The following CRB2 variants were observed in gnomAD, a reference collection of about 807,000 sequenced individuals.
The protein encoded by CRB2 is crumbs cell polarity complex component 2.
CRB2 carries 85 observed loss-of-function variants against 110.9 expected under a neutral mutation model. That is an observed-to-expected ratio of 0.77 (90% confidence interval 0.64 to 0.92). The LOEUF (loss-of-function observed/expected upper bound fraction) is 0.92. CRB2 is among the 40% of genes least tolerant of loss of function. CRB2 has a pLI of 0.00. For missense variants in CRB2, 1,843 were observed against 1,851.3 expected (o/e 1.00, Z 0.08); for synonymous variants, 907 against 831.0 (o/e 1.09, Z -1.57).
intron 1 of CRB2, among the ~76,000 whole-genome samples, chr9:123,359,441 GTTTTTTTTT>G (rs375773781): frequency 1.1e-5 from 1 of 94,442 alleles, no homozygotes; most frequent in African/African-American, 5.8e-5. Flanking sequence ...TTTTTGTTTT[GTTTTTTTTT>G]TTTTTTTTTT....
At chr9:123,357,594 G>A (rs1368627507) in intron 1 of CRB2, among the ~76,000 whole-genome samples, 4 of 151,854 alleles carry the variant, frequency 2.6e-5, no homozygotes, top group East Asian at 1.9e-4. Context: ...GCTGGCAGGC[G>A]ACTTGGGCTC....
intron 1 of CRB2, among the ~76,000 whole-genome samples, chr9:123,359,095 A>G (rs2041831648): frequency 6.6e-6 from 1 of 152,136 alleles, no homozygotes; most frequent in African/African-American, 2.4e-5. Context: ...CCTGACAGCT[A>G]TTGTTGCAAT....
downstream of CRB2, chr9:123,378,766 C>T (rs2042146508): frequency 6.8e-6 from 1 of 147,780 alleles, no homozygotes; most frequent in Non-Finnish European, 1.5e-5. Context: ...TGTCCCCTGT[C>T]CTCTTCCTGG....
chr9:123,366,381 G>T lies in CRB2; in HGVS notation c.754+15G>T, dbSNP rs748651562. The T allele has an allele frequency of 1.3e-6, 2 of 1,535,888 alleles. No homozygotes were observed. Among genetic ancestry groups the T allele is most frequent in the Admixed American group, 2.1e-5 (1 of 48,062 alleles). On this transcript the variant is annotated intron_variant, in intron 4 of 12. Coordinates refer to ENST00000373631, the MANE Select transcript of CRB2 (RefSeq NM_173689.7). Reference sequence around the variant, plus strand: ...CTGTTGGCCAGGTGTGTGCGTGCAGGTGCGCGGCCTGGCGGGGGGAGGGGT... The same window carrying T: ...CTGTTGGCCAGGTGTGTGCGTGCAGTTGCGCGGCCTGGCGGGGGGAGGGGT...
chr9:123,374,562 C>T lies in CRB2; in HGVS notation c.3390-17C>T. On this transcript the variant is annotated splice_polypyrimidine_tract_variant and intron_variant, in intron 10 of 12. Transcript: ENST00000373631. Reference sequence around the variant, plus strand: ...CCAGGTGTCCTGCACCCACTCCAGCCTCTGCTCTCTCCCCAGGTTGCCTGT... The same window carrying T: ...CCAGGTGTCCTGCACCCACTCCAGCTTCTGCTCTCTCCCCAGGTTGCCTGT... 1 of 1,597,146 alleles carries T rather than the reference C, an allele frequency of 6.3e-7. No individual in the cohort carries two copies. Among genetic ancestry groups the T allele is most frequent in the Non-Finnish European group, 8.6e-7 (1 of 1,166,118 alleles).
intron 2 of CRB2, among the ~76,000 whole-genome samples, chr9:123,365,329 AC>A (rs2041916377): frequency 6.6e-6 from 1 of 152,166 alleles, no homozygotes; most frequent in African/African-American, 2.4e-5. Context: ...CAAGTCACTT[AC>A]CTGTCTGAAA....
intron 8 of CRB2, 135 bp downstream of exon 8, chr9:123,371,713 G>C: frequency 8.1e-7 from 1 of 1,230,648 alleles, no homozygotes; most frequent in Non-Finnish European, 1.1e-6. Flanking sequence ...ACCTGCCCAG[G>C]GTCCCACTAC....
chr9:123,374,414 C>T (rs947542653), intron 10 of CRB2, among the ~76,000 whole-genome samples, 165 bp from the exon 11 acceptor site: 6 of 152,214 alleles, frequency 3.9e-5, no homozygotes, highest in African/African-American at 1.4e-4. Context: ...CGAGTGCAAC[C>T]CTGTGTCCCT....
rs760480460 is a variant in CRB2 at position 123,377,027 on chromosome 9, GTCC to G, written c.3826_3828del (p.Leu1276del). 53 of 1,601,496 alleles carry G rather than the reference GTCC, an allele frequency of 3.3e-5. No individual in the cohort carries two copies. On this transcript the variant is annotated inframe_deletion, in exon 13 of 13. Coordinates refer to ENST00000373631, the MANE Select transcript of CRB2 (RefSeq NM_173689.7). ...TGGGGCCCGGCTGGAGATGGACAGT[GTCC>G]TCAAGGTGCCACCGGAGGAGAGACT...
chr9:123,373,738 T>G lies in CRB2; in HGVS notation c.3207T>G (p.Gly1069=), dbSNP rs777291073. The G allele has an allele frequency of 6.3e-7, 1 of 1,582,252 alleles. No individual in the cohort carries two copies. The highest frequency in any genetic ancestry group is 8.5e-7 in the Non-Finnish European group (1 of 1,173,404). Reference sequence around the variant, plus strand: ...CGCCCTCGCCCTGTCTGCACGACGGTGCCTGCCGTGACCTCTTCGACGCCT... The same window carrying G: ...CGCCCTCGCCCTGTCTGCACGACGGGGCCTGCCGTGACCTCTTCGACGCCT... ...VCAPSPCLHD[G]ACRDLFDAFA... The change falls in exon 10 of 13, where the codon GGT becomes GGG. Residue 1069 remains glycine (G), a synonymous_variant. Coordinates refer to ENST00000373631, the MANE Select transcript of CRB2 (RefSeq NM_173689.7).
In CRB2 at chr9:123,376,961, C is replaced by T; in HGVS notation, c.3757C>T (p.Gln1253Ter). Reference protein sequence around the residue: ...SGILAARKRRQSEGTYSPSQQ... With the variant: ...SGILAARKRR ...GATCCTGGCAGCCCGAAAGCGCCGC[C>T]AGTCTGAGGGCACCTACAGCCCAAG... Residue 1253 changes from glutamine to a stop codon, truncating the protein, a stop_gained, in exon 13 of 13, where the codon CAG (glutamine) becomes TAG (stop). Transcript: ENST00000373631. LOFTEE classifies it high-confidence loss of function. The T allele has an allele frequency of 6.2e-7, 1 of 1,608,056 alleles. No individual in the cohort carries two copies.
Position 123,370,884 on chromosome 9 carries a change from C to T in CRB2, c.1831C>T (p.Pro611Ser). ...CTGTGAGCGCCGAGAGCAGTGCCGG[C>T]CTCTGCCTTGTGTCCACGGAGGGTC... ...LGCERREQCR[P>S]LPCVHGGSCV... Residue 611 changes from proline to serine, a missense_variant, in exon 7 of 13, where the codon CCT (proline) becomes TCT (serine). Coordinates refer to ENST00000373631, the MANE Select transcript of CRB2 (RefSeq NM_173689.7). 1 of 1,612,286 alleles carries T rather than the reference C, an allele frequency of 6.2e-7. No individual in the cohort carries two copies. The highest frequency in any genetic ancestry group is 8.5e-7 in the Non-Finnish European group (1 of 1,180,024).
chr9:123,356,110 TGGGAGGAGGAGGCGGTGGCGGGGAGGGGA>T, upstream of CRB2: 1 of 342,088 alleles, frequency 2.9e-6, no homozygotes, highest in Non-Finnish European at 4.6e-6. Context: ...GAGGCCTGGG[TGGGAGGAGGAGGCGGTGGCGGGGAGGGGA>T]GGGAGGGGCT....
Position 123,373,059 on chromosome 9 carries a change from G to T in CRB2, c.2603-75G>T, listed in dbSNP as rs1246897591. The T allele has an allele frequency of 1.2e-5, 15 of 1,283,180 alleles. No homozygotes were observed. The East Asian group carries it at 2.8e-4, about 24-fold the overall frequency. 79.5% of individuals were successfully genotyped at this position (1,283,180 alleles called of 1,614,324 possible). On this transcript the variant is annotated intron_variant, in intron 9 of 12. Transcript: ENST00000373631. ...CCAAGTAAGTGGCTGTCTGCCACTC[G>T]CTGGGGGAAGTGGGGAGGTGGCATT...
chr9:123,357,756 A>G (rs970352697), intron 1 of CRB2, among the ~76,000 whole-genome samples: 8 of 152,326 alleles, frequency 5.3e-5, no homozygotes, highest in Admixed American at 2.6e-4. Flanking sequence ...CCTGTGTGGC[A>G]TGCCCAAGGG....
intron 7 of CRB2, 34 bp downstream of exon 7, chr9:123,371,014 G>T: frequency 6.3e-7 from 1 of 1,595,596 alleles, no homozygotes; most frequent in Non-Finnish European, 8.6e-7. Flanking sequence ...GGCAGCACCT[G>T]AGATCTGCCT....
At position 123,366,287 on chromosome 9, in the gene CRB2, G is replaced by T; in HGVS notation, c.675G>T (p.Leu225=). 13 of 1,521,186 alleles carry T rather than the reference G, an allele frequency of 8.5e-6. No homozygotes were observed. Among genetic ancestry groups the T allele is most frequent in the Non-Finnish European group, 1.1e-5 (13 of 1,147,140 alleles). The allele number at this position is 1,521,186 out of a possible 1,614,324, so 94.2% of individuals were successfully genotyped here. A position where few individuals can be genotyped will look rare whatever the true frequency, so the allele number is the denominator to read the frequency against. Residue 225 remains leucine (L), a synonymous_variant, in exon 4 of 13, where the codon CTG becomes CTT. Transcript: ENST00000373631. ...GCACGCACTGCGAGCGGGAGGTGCT[G>T]GAGTGCGCATCGGCGCCCTGCGAGC... ...YEGTHCEREV[L]ECASAPCEHN...
At position 123,356,363 on chromosome 9, in the gene CRB2, G is replaced by C. The variant is rs771665243; in HGVS notation, c.94+9G>C. 6.5e-7 allele frequency: 1 copy of C among 1,540,484 alleles called. No individual in the cohort carries two copies. The highest frequency in any genetic ancestry group is 8.7e-7 in the Non-Finnish European group (1 of 1,143,288). The stretch of plus-strand genomic sequence containing the variant: ...CCTTTCCCTCCTGGCTGGTGAGTTG[G>C]GGCCCATGTCTGGAGGGGCCTGGGA... On this transcript the variant is annotated intron_variant, in intron 1 of 12. Transcript: ENST00000373631.
At chr9:123,358,795 A>T (rs1333749676) in intron 1 of CRB2, among the ~76,000 whole-genome samples, 1 of 152,248 alleles carries the variant, frequency 6.6e-6, no homozygotes, top group Non-Finnish European at 1.5e-5. Flanking sequence ...CTACAAAACG[A>T]GGACAGACTG....
Sources: allele counts gnomAD v4.1 joint callset (sites outside exome capture counted in the v4.1 genomes callset), GRCh38; gene constraint gnomAD v4.1.1; transcripts MANE v1.5; gene names NCBI Gene and HGNC (gene_info 2026-07-23, HGNC 2026-07-21).